The following FARP1 variants were observed in gnomAD, a reference collection of about 807,000 sequenced individuals.
The protein encoded by FARP1 is FERM, ARH/RhoGEF and pleckstrin domain protein 1, also known as FERM, ARHGEF and pleckstrin domain-containing protein 1.
FARP1 carries 52 observed loss-of-function variants against 128.8 expected under a neutral mutation model. The ratio of observed to expected loss-of-function variants is 0.40; its 90% CI spans 0.32 to 0.51. The LOEUF is 0.51. Ranked by LOEUF, FARP1 falls within the 20% of genes least tolerant of loss-of-function variation. The probability of loss-of-function intolerance (pLI) is 0.45; values close to 1 mark genes in which losing one functional copy is unlikely to be tolerated. For missense variants in FARP1, 1,333 were observed against 1,367.9 expected, an observed-to-expected ratio of 0.97 and a Z score of 0.40; for synonymous variants, 580 against 551.8, an observed-to-expected ratio of 1.05 and a Z score of -0.72.
intron 10 of FARP1, chr13:98,390,583 CTTAG>C: frequency 2.0e-6 from 1 of 509,632 alleles, no homozygotes; most frequent in South Asian, 3.1e-5. Context: ...ATCAAGTGGG[CTTAG>C]TTAATTGAAC....
chr13:98,426,148 CA>C (rs1466399962), intron 17 of FARP1, among the ~76,000 whole-genome samples: 2 of 152,132 alleles, frequency 1.3e-5, no homozygotes, highest in Admixed American at 6.5e-5. Flanking sequence ...TCTTAATTCC[CA>C]TAATCCTAGC....
chr13:98,346,772 A>G (rs1888196556), intron 3 of FARP1, among the ~76,000 whole-genome samples: 1 of 151,972 alleles, frequency 6.6e-6, no homozygotes, highest in Non-Finnish European at 1.5e-5. Flanking sequence ...GATAGAATGG[A>G]TCTGTGGTAA....
intron 1 of FARP1, among the ~76,000 whole-genome samples, chr13:98,188,166 C>T (rs959640843): frequency 6.6e-6 from 1 of 152,120 alleles, no homozygotes; most frequent in African/African-American, 2.4e-5. Context: ...GAACACCCCT[C>T]GCATTTCGGC....
intron 1 of FARP1, among the ~76,000 whole-genome samples, chr13:98,171,319 G>T (rs1201536173): frequency 2.0e-5 from 3 of 152,148 alleles, no homozygotes; most frequent in African/African-American, 7.2e-5. Flanking sequence ...GGGTGCAAAG[G>T]TCTAGCCTCT....
intron 2 of FARP1, among the ~76,000 whole-genome samples, chr13:98,216,227 T>G (rs1236463809): frequency 1.3e-5 from 2 of 152,214 alleles, no homozygotes; most frequent in Non-Finnish European, 2.9e-5. Context: ...CTCATGCTGT[T>G]TAAGAGCAGC....
Position 98,409,387 on chromosome 13 carries a change from G to A in FARP1, c.1464G>A (p.Gln488=). 1 of 1,613,802 alleles carries A rather than the reference G, an allele frequency of 6.2e-7. No individual in the cohort carries two copies. The highest frequency in any genetic ancestry group is 8.5e-7 in the Non-Finnish European group (1 of 1,179,810). The change falls in exon 14 of 27, where the codon CAG becomes CAA. Residue 488 remains glutamine, a synonymous_variant. Coordinates refer to ENST00000319562, the MANE Select transcript of FARP1 (RefSeq NM_005766.4). ...PHLSELSVNS[Q]GGVAPANVTL... ...TTTCCGAGCTGTCTGTGAACTCGCAGGGGGGAGTGGCCCCTGCCAACGTGA... is the reference window on the plus strand; with the variant it reads ...TTTCCGAGCTGTCTGTGAACTCGCAAGGGGGAGTGGCCCCTGCCAACGTGA...
chr13:98,218,127 C>G (rs1207540370), intron 2 of FARP1, among the ~76,000 whole-genome samples: 2 of 151,986 alleles, frequency 1.3e-5, no homozygotes, highest in African/African-American at 4.8e-5. Flanking sequence ...CGGCCCTCCC[C>G]CACCCCACAT....
chr13:98,267,241 G>T (rs1185059474), intron 2 of FARP1, among the ~76,000 whole-genome samples: 1 of 152,158 alleles, frequency 6.6e-6, no homozygotes, highest in East Asian at 1.9e-4. Flanking sequence ...ACTGACTGCA[G>T]TTGTCTTTGG....
At position 98,313,643 on chromosome 13, in the gene FARP1, T is replaced by A. The variant is rs138636212; in HGVS notation, c.172-30119T>A. Among the ~76,000 whole-genome samples the A allele has an allele frequency of 2.0e-5, 3 of 152,316 alleles. No homozygotes were observed. In the East Asian group the frequency reaches 5.8e-4, roughly 29 times the overall value. On this transcript the variant is annotated intron_variant, in intron 2 of 26. Transcript: ENST00000319562. ...TACCTAAGGCTGCTGTTGGACTTAC[T>A]CTCTATGATAGCTAAGGCTCCCCTC...
intron 2 of FARP1, among the ~76,000 whole-genome samples, chr13:98,236,070 C>T (rs1219872363): frequency 7.9e-5 from 12 of 152,118 alleles, no homozygotes; most frequent in African/African-American, 2.7e-4. Context: ...GTGATCTGCC[C>T]GCCTCGGCCT....
intron 2 of FARP1, among the ~76,000 whole-genome samples, chr13:98,294,279 A>G (rs1885568440): frequency 6.6e-6 from 1 of 152,194 alleles, no homozygotes; most frequent in Non-Finnish European, 1.5e-5. Flanking sequence ...CAAAGCCACT[A>G]ACTCAAGGAG....
chr13:98,285,422 A>G (rs982546006), intron 2 of FARP1, among the ~76,000 whole-genome samples: 7 of 151,920 alleles, frequency 4.6e-5, no homozygotes, highest in Non-Finnish European at 1.0e-4. Context: ...TTTTTTCTTC[A>G]TCTCAAAGAG....
In FARP1 at chr13:98,389,968, G is replaced by A. The variant is rs770707651; in HGVS notation, c.867G>A (p.Gln289=). The A allele has an allele frequency of 1.2e-5, 19 of 1,614,034 alleles. No homozygotes were observed. Among genetic ancestry groups the A allele is most frequent in the African/African-American group, 9.3e-5 (7 of 74,910 alleles). ...KLRPDANSAY[Q]DTLEFLMASR... ...TTTTCCCTTTTTAGAGTGCGTACCA[G>A]GATACCTTGGAATTCCTGATGGCCA... is the stretch of plus-strand genomic sequence containing the variant. Residue 289 remains glutamine, a synonymous_variant, in exon 10 of 27, where the codon CAG becomes CAA. Transcript: ENST00000319562.
intron 13 of FARP1, chr13:98,396,664 A>G: frequency 2.5e-6 from 1 of 396,286 alleles, no homozygotes. Context: ...CGTTAAGAAA[A>G]ACAAAACTTC....
At chr13:98,259,882 AGTGTGTGTGTGTGTGT>A (rs60886784) in intron 2 of FARP1, among the ~76,000 whole-genome samples, 3 of 128,770 alleles carry the variant, frequency 2.3e-5, no homozygotes, top group Non-Finnish European at 4.9e-5. Flanking sequence ...ATACCTGAAA[AGTGTGTGTGTGTGTGT>A]GTGTGTGTGT....
At chr13:98,429,121 C>T (rs1268220817) in intron 17 of FARP1, among the ~76,000 whole-genome samples, 1 of 152,160 alleles carries the variant, frequency 6.6e-6, no homozygotes, top group Non-Finnish European at 1.5e-5. Context: ...TATTTCAAAA[C>T]AGAAAGTCAT....
intron 1 of FARP1, among the ~76,000 whole-genome samples, chr13:98,145,345 C>G (rs76493177): frequency 0.037 from 5,662 of 152,264 alleles, 349 homozygotes; most frequent in African/African-American, 0.13. Flanking sequence ...AGCGTGGTTT[C>G]TAATGCCCCC....
At chr13:98,399,065 T>G (rs971688316) in intron 13 of FARP1, 9 of 152,122 alleles carry the variant, frequency 5.9e-5, no homozygotes, top group Admixed American at 2.0e-4. Context: ...GCTCATAGAG[T>G]TTTTCCCTCA....
chr13:98,265,255 A>G (rs1249957848), intron 2 of FARP1, among the ~76,000 whole-genome samples: 2 of 149,100 alleles, frequency 1.3e-5, no homozygotes, highest in Admixed American at 1.3e-4. Flanking sequence ...TTTTTGTGTT[A>G]GCGATGCTGG....
Sources: gnomAD v4.1 joint callset for allele counts (sites outside exome capture counted in the v4.1 genomes callset) on GRCh38, gnomAD v4.1.1 for gene constraint, MANE v1.5 for transcripts, NCBI Gene and HGNC (gene_info 2026-07-23, HGNC 2026-07-21) for gene names.